Variants in PABPC1 observed in about 807,000 individuals in gnomAD.
PABPC1 encodes the protein polyadenylate-binding protein 1.
A neutral mutation model predicts 74.0 loss-of-function variants in PABPC1; 4 were observed. The observed-to-expected ratio is 0.05, with a 90% CI of 0.03 to 0.12. The LOEUF (loss-of-function observed/expected upper bound fraction) is 0.12. Ranked by LOEUF, PABPC1 falls within the 10% of genes least tolerant of loss-of-function variation. The pLI is 1.00. For missense variants in PABPC1, 271 were observed against 821.1 expected (o/e 0.33, Z 8.19); for synonymous variants, 227 against 264.1 (o/e 0.86, Z 1.36).
rs57634516 is a variant in PABPC1, at chr8:100,715,166, T to C, written c.643+296A>G. 0.053 allele frequency among the ~76,000 whole-genome samples: 7,527 copies of C among 141,812 alleles called. 624 individuals carry two copies. The highest frequency in any genetic ancestry group is 0.2 in the African/African-American group (7,001 of 34,624). The allele number at this position is 141,812 out of a possible 152,430, so 93.0% of individuals were successfully genotyped here. ...ACACACACACACACACACATATATATCTCCAGCCTCTTAATGTAGTAAAAT... is the reference window on the plus strand; with the variant it reads ...ACACACACACACACACACATATATACCTCCAGCCTCTTAATGTAGTAAAAT... On this transcript the variant is annotated intron_variant, in intron 4 of 14. Transcript: ENST00000318607.
chr8:100,713,655 C>T (rs1006943969), intron 4 of PABPC1, among the ~76,000 whole-genome samples: 10 of 152,122 alleles, frequency 6.6e-5, no homozygotes, highest in Admixed American at 2.0e-4. Flanking sequence ...CCATGCCTGG[C>T]TAATTTATTT....
At chr8:100,705,922 C>T (rs1443885655) in intron 11 of PABPC1, among the ~76,000 whole-genome samples, 3 of 152,230 alleles carry the variant, frequency 2.0e-5, no homozygotes, top group Admixed American at 6.5e-5. Context: ...AATCTTGGCT[C>T]GCTGCAACCT....
rs1347169548 is a variant in PABPC1, at chr8:100,721,173, A to G, written c.193+218T>C. On this transcript the variant is annotated intron_variant, in intron 1 of 14. Coordinates refer to ENST00000318607, the MANE Select transcript of PABPC1 (RefSeq NM_002568.4). The surrounding 1 kb of genome is among the most constrained non-coding windows in gnomAD (Gnocchi z 7.4). ...GTCTGAGGCCGAGAAAATGGTCGCAAAGGAGGAAGTAGCCGGGCGTGTGGC... is the reference window on the plus strand; with the variant it reads ...GTCTGAGGCCGAGAAAATGGTCGCAGAGGAGGAAGTAGCCGGGCGTGTGGC... Among the ~76,000 whole-genome samples, 1 of 152,048 alleles carries G rather than the reference A, an allele frequency of 6.6e-6. No individual in the cohort carries two copies. Among genetic ancestry groups the G allele is most frequent in the Non-Finnish European group, 1.5e-5 (1 of 67,968 alleles).
At position 100,721,080 on chromosome 8, in the gene PABPC1, G is replaced by A. The variant is rs939528058; in HGVS notation, c.193+311C>T. On this transcript the variant is annotated intron_variant, in intron 1 of 14. Transcript: ENST00000318607. The surrounding 1 kb of genome is among the most constrained non-coding windows in gnomAD (Gnocchi z 7.4). ...GCCCCAGAATCCCGGGGCCACTGGCGGGAGCGCCGCGGAGGAACCGAATCT... is the reference window on the plus strand; with the variant it reads ...GCCCCAGAATCCCGGGGCCACTGGCAGGAGCGCCGCGGAGGAACCGAATCT... 2.0e-5 allele frequency among the ~76,000 whole-genome samples: 3 copies of A among 152,174 alleles called. No individual in the cohort carries two copies. Among genetic ancestry groups the A allele is most frequent in the African/African-American group, 7.2e-5 (3 of 41,456 alleles).
Position 100,709,152 on chromosome 8 carries a change from A to G in PABPC1, c.1317T>C (p.Ala439=). The change falls in exon 9 of 15, where the codon GCT becomes GCC. Residue 439 remains alanine (A), a synonymous_variant. Coordinates refer to ENST00000318607, the MANE Select transcript of PABPC1 (RefSeq NM_002568.4). ...AQLRPSPRWT[A]QGARPHPFQN... Reference sequence around the variant, plus strand: ...ACTTACGATGAGGTCTGGCACCCTGAGCAGTCCAGCGAGGACTTGGTCTTA... The same window carrying G: ...ACTTACGATGAGGTCTGGCACCCTGGGCAGTCCAGCGAGGACTTGGTCTTA... The G allele has an allele frequency of 1.2e-6, 2 of 1,613,784 alleles. No individual in the cohort carries two copies. The highest frequency in any genetic ancestry group is 1.7e-6 in the Non-Finnish European group (2 of 1,179,902).
At chr8:100,707,452 G>A (rs188056615) in intron 9 of PABPC1, among the ~76,000 whole-genome samples, 2 of 152,192 alleles carry the variant, frequency 1.3e-5, no homozygotes, top group Non-Finnish European at 2.9e-5. Context: ...AGGTCACGTG[G>A]GTTACGTGTC....
chr8:100,705,981 G>A (rs998371310), intron 11 of PABPC1, among the ~76,000 whole-genome samples: 1 of 152,030 alleles, frequency 6.6e-6, no homozygotes, highest in African/African-American at 2.4e-5. Flanking sequence ...CCCAGTAGCT[G>A]GGATTACAGG....
At chr8:100,720,133 A>G (rs1810777200) in intron 1 of PABPC1, among the ~76,000 whole-genome samples, 1 of 152,168 alleles carries the variant, frequency 6.6e-6, no homozygotes, top group Non-Finnish European at 1.5e-5. Context: ...CGATTATTTG[A>G]CATGTATTCA....
intron 1 of PABPC1, among the ~76,000 whole-genome samples, chr8:100,719,812 A>G (rs1481536254): frequency 6.6e-6 from 1 of 152,200 alleles, no homozygotes; most frequent in African/African-American, 2.4e-5. Context: ...ACCAACTCTT[A>G]GGTTGTGATA....
chr8:100,704,686 G>A (rs1810335313), intron 13 of PABPC1, among the ~76,000 whole-genome samples: 1 of 152,214 alleles, frequency 6.6e-6, no homozygotes, highest in Non-Finnish European at 1.5e-5. Flanking sequence ...TGGAGCTGAT[G>A]GGATTTGAAG....
In PABPC1 at chr8:100,721,579, T is replaced by C; in HGVS notation, c.5A>G (p.Asn2Ser). The change falls in exon 1 of 15, where the codon AAC (asparagine) becomes AGC (serine). Residue 2 changes from asparagine (N) to serine (S), a missense_variant. Physicochemically the swap from Asn to Ser is conservative, Grantham distance 46. Transcript: ENST00000318607. The surrounding 1 kb of genome is among the most constrained non-coding windows in gnomAD (Gnocchi z 7.4). Reference sequence around the variant, plus strand: ...CATGGGGTAGCTGGGGGCACTGGGGTTCATCTCGGCACGGCTGCCCGCAGG... The same window carrying C: ...CATGGGGTAGCTGGGGGCACTGGGGCTCATCTCGGCACGGCTGCCCGCAGG... MNPSAPSYPMAS... is the reference protein window; with the variant it reads MSPSAPSYPMAS... 6.3e-7 allele frequency: 1 copy of C among 1,576,406 alleles called. No individual in the cohort carries two copies. Among genetic ancestry groups the C allele is most frequent in the Non-Finnish European group, 8.6e-7 (1 of 1,156,268 alleles).
Position 100,721,362 on chromosome 8 carries a change from C to T in PABPC1, c.193+29G>A. On this transcript the variant is annotated intron_variant, in intron 1 of 14. Coordinates refer to ENST00000318607, the MANE Select transcript of PABPC1 (RefSeq NM_002568.4). This position sits in a 1 kb window ranked among gnomAD's most constrained non-coding sequence, Gnocchi z 7.4. ...CCCGAGCCTCATGGCCGCCCGCCCG[C>T]CCGGCCGACCGCGGAGCCCGGCGCT... 2.2e-6 allele frequency: 3 copies of T among 1,391,624 alleles called. No homozygotes were observed. The highest frequency in any genetic ancestry group is 2.8e-6 in the Non-Finnish European group (3 of 1,055,938). The allele number at this position is 1,391,624 out of a possible 1,614,324, so 86.2% of individuals were successfully genotyped here.
chr8:100,718,347 A>C, intron 1 of PABPC1, 67 bp from the exon 2 acceptor site: 1 of 1,298,348 alleles, frequency 7.7e-7, no homozygotes, highest in African/African-American at 1.5e-5. Flanking sequence ...AAGATTATAT[A>C]AACTATGGTG....
At chr8:100,709,890 T>C (rs982187637) in intron 7 of PABPC1, 159 bp from the exon 8 acceptor site, 15 of 814,364 alleles carry the variant, frequency 1.8e-5, no homozygotes, top group Non-Finnish European at 2.8e-5. Flanking sequence ...AATTTTTCCT[T>C]AATACCCAAT....
At chr8:100,707,105 CAA>C in intron 9 of PABPC1, 108 bp from the exon 10 acceptor site, 1 of 762,640 alleles carries the variant, frequency 1.3e-6, no homozygotes, top group Non-Finnish European at 2.1e-6. Context: ...TAAAAAGTGA[CAA>C]AACTTTTTAA....
At chr8:100,713,361 G>T (rs540707938) in intron 4 of PABPC1, among the ~76,000 whole-genome samples, 180 bp from the exon 5 acceptor site, 1 of 152,110 alleles carries the variant, frequency 6.6e-6, no homozygotes, top group Non-Finnish European at 1.5e-5. Flanking sequence ...TTATTATTAA[G>T]AAGGTAAACA....
rs762919335 is a variant in PABPC1 at position 100,721,355 on chromosome 8, C to T, written c.193+36G>A. 4.5e-6 allele frequency: 6 copies of T among 1,341,716 alleles called. No individual in the cohort carries two copies. Among genetic ancestry groups the T allele is most frequent in the Non-Finnish European group, 5.8e-6 (6 of 1,025,660 alleles). The allele number at this position is 1,341,716 out of a possible 1,614,324, so 83.1% of individuals were successfully genotyped here. A position where few individuals can be genotyped will look rare whatever the true frequency, so the allele number is the denominator to read the frequency against. On this transcript the variant is annotated intron_variant, in intron 1 of 14. Transcript: ENST00000318607. This position sits in a 1 kb window ranked among gnomAD's most constrained non-coding sequence, Gnocchi z 7.4. ...GCCGCCGCCCGAGCCTCATGGCCGCCCGCCCGCCCGGCCGACCGCGGAGCC... is the reference window on the plus strand; with the variant it reads ...GCCGCCGCCCGAGCCTCATGGCCGCTCGCCCGCCCGGCCGACCGCGGAGCC...
chr8:100,706,658 A>C lies in PABPC1; in HGVS notation c.1595T>G (p.Met532Arg). 6.2e-7 allele frequency: 1 copy of C among 1,613,336 alleles called. No individual in the cohort carries two copies. The highest frequency in any genetic ancestry group is 8.5e-7 in the Non-Finnish European group (1 of 1,179,626). Residue 532 changes from methionine to arginine, a missense_variant, in exon 11 of 15, where the codon ATG (methionine) becomes AGG (arginine). Around this residue, in one of 7 missense-constraint regions of PABPC1, gnomAD observed 103 missense variants for 245.3 expected, o/e 0.42. Transcript: ENST00000318607. ...QHLNAQPQVT[M>R]QQPAVHVQGQ... ...AAATCATTAAATCCATACCTGTTGC[A>C]TTGTAACTTGTGGCTGTGCATTAAG...
In PABPC1 at chr8:100,721,615, G is replaced by A. The variant is rs768071248; in HGVS notation, c.-32C>T. On this transcript the variant is annotated 5_prime_UTR_variant, in exon 1 of 15. Coordinates refer to ENST00000318607, the MANE Select transcript of PABPC1 (RefSeq NM_002568.4). This position sits in a 1 kb window ranked among gnomAD's most constrained non-coding sequence, Gnocchi z 7.4. ...ACGGCTGCCCGCAGGGCCACAGGCC[G>A]CGACCTTTCCGTGAGAGGAGGAGAG... 12 of 1,467,610 alleles carry A rather than the reference G, an allele frequency of 8.2e-6. No homozygotes were observed. In the Admixed American group the frequency reaches 1.6e-4, roughly 20 times the overall value. The allele number at this position is 1,467,610 out of a possible 1,614,324, so 90.9% of individuals were successfully genotyped here.
Sources: gnomAD v4.1 joint callset for allele counts (sites outside exome capture counted in the v4.1 genomes callset) on GRCh38, gnomAD v4.1.1 for gene constraint, gnomAD v4.1.1 regional missense constraint, Gnocchi (gnomAD v3.1) non-coding constraint, MANE v1.5 for transcripts, NCBI Gene and HGNC (gene_info 2026-07-23, HGNC 2026-07-21) for gene names.